Variants in ATP11A observed in about 807,000 individuals in gnomAD.
The protein encoded by ATP11A is ATPase phospholipid transporting 11A.
Under a neutral mutation model 154.4 loss-of-function variants are expected in ATP11A, and 81 were observed. That is an observed-to-expected ratio of 0.52 (90% confidence interval 0.44 to 0.63). The LOEUF is 0.63. Among genes scored for constraint, ATP11A ranks in the 30% least tolerant of loss-of-function variants. ATP11A has a pLI of 0.00. For synonymous variants in ATP11A, 623 were observed against 585.9 expected (o/e 1.06, Z -0.91); for missense variants, 1,316 against 1,474.3 (o/e 0.89, Z 1.76).
chr13:112,691,696 A>G (rs1335544314), intron 1 of ATP11A, among the ~76,000 whole-genome samples: 1 of 152,160 alleles, frequency 6.6e-6, no homozygotes. Flanking sequence ...GAATTACCTC[A>G]GGCAGCCTTT....
At chr13:112,730,246 C>T (rs931138645) in intron 1 of ATP11A, among the ~76,000 whole-genome samples, 4 of 152,186 alleles carry the variant, frequency 2.6e-5, no homozygotes, top group Admixed American at 6.5e-5. Context: ...CATGGGCAGC[C>T]GCAGAGCTTC....
Position 112,883,032 on chromosome 13 carries a change from T to G in ATP11A, c.*1166T>G, listed in dbSNP as rs2080919405. 2.5e-6 allele frequency: 1 copy of G among 396,204 alleles called. No homozygotes were observed. Among genetic ancestry groups the G allele is most frequent in the Non-Finnish European group, 4.4e-6 (1 of 225,522 alleles). The allele number at this position is 396,204 out of a possible 1,614,324, so 24.5% of individuals were successfully genotyped here. The stretch of plus-strand genomic sequence containing the variant: ...CTCGTCCCATCCCCACGTCCCCTCA[T>G]CCCGTCACCTCGTCCCCACATCCCC... On this transcript the variant is annotated 3_prime_UTR_variant, in exon 30 of 30. Coordinates refer to ENST00000375645, the MANE Select transcript of ATP11A (RefSeq NM_015205.3).
In ATP11A at chr13:112,882,399, C is replaced by G; in HGVS notation, c.*533C>G. On this transcript the variant is annotated 3_prime_UTR_variant, in exon 30 of 30. Transcript: ENST00000375645. This position sits in a 1 kb window ranked among gnomAD's most constrained non-coding sequence, Gnocchi z 5.1. ...TGTGGATGCCACATGCTGCTGTTTC[C>G]TGCTTGCCCGGCCACCACCCATGCC... 2.5e-6 allele frequency: 1 copy of G among 397,434 alleles called. No individual in the cohort carries two copies. The highest frequency in any genetic ancestry group is 4.7e-6 in the Non-Finnish European group (1 of 214,168). The allele number at this position is 397,434 out of a possible 1,614,324, so 24.6% of individuals were successfully genotyped here.
intron 3 of ATP11A, 51 bp downstream of exon 3, chr13:112,805,097 G>T: frequency 7.2e-7 from 1 of 1,381,338 alleles, no homozygotes. Flanking sequence ...CTAAATAAGT[G>T]ACATTTTATT....
At chr13:112,779,135 AGTGAGTAGCCG>A (rs1566468938) in intron 1 of ATP11A, among the ~76,000 whole-genome samples, 1,932 of 101,168 alleles carry the variant, frequency 0.019, 147 homozygotes, top group African/African-American at 0.074. Context: ...TAGCCGCTGG[AGTGAGTAGCCG>A]CTGGAGTGAG....
intron 25 of ATP11A, among the ~76,000 whole-genome samples, chr13:112,870,662 C>G (rs898441314): frequency 2.0e-5 from 3 of 152,258 alleles, no homozygotes; most frequent in African/African-American, 7.2e-5. Context: ...CAGGCATGAG[C>G]CACCACACCC....
Position 112,825,307 on chromosome 13 carries a change from G to A in ATP11A, c.873-123G>A, listed in dbSNP as rs780491660. 3.0e-5 allele frequency: 34 copies of A among 1,130,958 alleles called. No individual in the cohort carries two copies. The East Asian group carries it at 3.6e-4, about 12-fold the overall frequency. The allele number at this position is 1,130,958 out of a possible 1,614,324, so 70.1% of individuals were successfully genotyped here. A position where few individuals can be genotyped will look rare whatever the true frequency, so the allele number is the denominator to read the frequency against. ...GGACCCACCGTGGTGCGTTGAGGGCGAACACATCACTGTGCCCTTCCTATT... is the reference window on the plus strand; with the variant it reads ...GGACCCACCGTGGTGCGTTGAGGGCAAACACATCACTGTGCCCTTCCTATT... On this transcript the variant is annotated intron_variant, in intron 10 of 29. Coordinates refer to ENST00000375645, the MANE Select transcript of ATP11A (RefSeq NM_015205.3).
intron 26 of ATP11A, among the ~76,000 whole-genome samples, chr13:112,872,747 C>T (rs1321170999): frequency 2.0e-5 from 3 of 152,258 alleles, no homozygotes; most frequent in African/African-American, 7.2e-5. Context: ...ATCCATGGCT[C>T]CCTTACCTAG....
At chr13:112,841,070 G>A (rs1236241227) in intron 16 of ATP11A, among the ~76,000 whole-genome samples, 1 of 152,290 alleles carries the variant, frequency 6.6e-6, no homozygotes, top group East Asian at 1.9e-4. Context: ...GTAGCACGGC[G>A]TTTCCCTGCA....
At chr13:112,750,008 C>T (rs1476578175) in intron 1 of ATP11A, among the ~76,000 whole-genome samples, 2 of 116,058 alleles carry the variant, frequency 1.7e-5, no homozygotes, top group Admixed American at 1.6e-4. Context: ...TTCAGCCTCT[C>T]GTGAATTTCT....
At chr13:112,795,039 T>G (rs542202578) in intron 2 of ATP11A, among the ~76,000 whole-genome samples, 1 of 150,872 alleles carries the variant, frequency 6.6e-6, no homozygotes, top group East Asian at 2.0e-4. Context: ...AAGTCAGGAG[T>G]TCAAGATCAG....
chr13:112,741,278 G>A (rs574443013), intron 1 of ATP11A, among the ~76,000 whole-genome samples: 17 of 152,040 alleles, frequency 1.1e-4, no homozygotes, highest in Non-Finnish European at 2.2e-4. Context: ...CGGTCCCTGC[G>A]GGGCTGTGGG....
chr13:112,777,528 C>T (rs2077377637), intron 1 of ATP11A, among the ~76,000 whole-genome samples: 1 of 152,210 alleles, frequency 6.6e-6, no homozygotes, highest in African/African-American at 2.4e-5. Context: ...CACGCCATTG[C>T]ACTCCAGCCT....
chr13:112,871,590 A>G, intron 25 of ATP11A, 145 bp from the exon 26 acceptor site: 2 of 739,316 alleles, frequency 2.7e-6, no homozygotes, highest in Non-Finnish European at 4.6e-6. Flanking sequence ...TTTACGGGAT[A>G]ATAAGAAAAT....
At chr13:112,733,920 CTCTT>C (rs1890737253) in intron 1 of ATP11A, among the ~76,000 whole-genome samples, 3 of 152,188 alleles carry the variant, frequency 2.0e-5, no homozygotes, top group Admixed American at 1.3e-4. Context: ...CAGTGGTTCT[CTCTT>C]TCCTTTTCTT....
At position 112,856,043 on chromosome 13, in the gene ATP11A, C is replaced by T. The variant is rs78821510; in HGVS notation, c.2376C>T (p.Ser792=). The part of the protein sequence containing the change: ...ELFLEICRSC[S]AVLCCRMAPL... ...TCCTGGAAATCTGCCGGAGCTGCAG[C>T]GCGGTGCTCTGCTGCCGCATGGCGC... is the stretch of plus-strand genomic sequence containing the variant. The change falls in exon 20 of 30, where the codon AGC becomes AGT. Residue 792 remains serine, a synonymous_variant. Transcript: ENST00000375645. 4,050 of 1,613,952 alleles carry T rather than the reference C, an allele frequency of 2.5e-3. 88 individuals carry two copies. In the African/African-American group the frequency reaches 0.045, roughly 18 times the overall value.
intron 12 of ATP11A, among the ~76,000 whole-genome samples, chr13:112,830,766 T>G (rs996517341): frequency 1.3e-5 from 2 of 152,136 alleles, no homozygotes; most frequent in Non-Finnish European, 2.9e-5. Context: ...ACTCCTACCT[T>G]CAGTTATTCA....
intron 1 of ATP11A, among the ~76,000 whole-genome samples, chr13:112,737,400 C>T (rs73576499): frequency 0.014 from 2,141 of 152,312 alleles, 66 homozygotes; most frequent in African/African-American, 0.049. Flanking sequence ...GTGAAATGTT[C>T]GTTAAAACAG....
At chr13:112,819,559 C>G in intron 7 of ATP11A, 152 bp downstream of exon 7, 1 of 671,274 alleles carries the variant, frequency 1.5e-6, no homozygotes, top group Non-Finnish European at 2.5e-6. Flanking sequence ...AAATACATTA[C>G]TTATTTATTC....
Sources: allele counts gnomAD v4.1 joint callset (sites outside exome capture counted in the v4.1 genomes callset), GRCh38; gene constraint gnomAD v4.1.1; non-coding constraint Gnocchi (gnomAD v3.1); transcripts MANE v1.5; gene names NCBI Gene and HGNC (gene_info 2026-07-23, HGNC 2026-07-21).